Variants in PCDHGA5 observed in about 807,000 individuals in gnomAD.
The protein encoded by PCDHGA5 is protocadherin gamma subfamily A, 5, also known as protocadherin gamma-A5.
Under a neutral mutation model 56.7 loss-of-function variants are expected in PCDHGA5, and 36 were observed. The observed-to-expected ratio is 0.64, with a 90% CI of 0.49 to 0.84. The LOEUF is 0.84. Ranked by LOEUF, PCDHGA5 falls within the 40% of genes least tolerant of loss-of-function variation. The pLI is 0.00. For missense variants in PCDHGA5, 1,305 were observed against 1,201.5 expected (o/e 1.09, Z -1.27); for synonymous variants, 563 against 520.2 (o/e 1.08, Z -1.12).
At chr5:141,445,364 C>T (rs1374418361) in intron 1 of PCDHGA5, among the ~76,000 whole-genome samples, 1 of 152,158 alleles carries the variant, frequency 6.6e-6, no homozygotes, top group African/African-American at 2.4e-5. Flanking sequence ...CAAGTCTGGT[C>T]CTGGGTGGTT....
intron 1 of PCDHGA5, chr5:141,415,542 T>C (rs770960227): frequency 1.2e-5 from 19 of 1,614,056 alleles, no homozygotes; most frequent in Non-Finnish European, 9.3e-6. Context: ...AGGAGAGCTG[T>C]GAGAAAAACG....
In PCDHGA5 at chr5:141,491,908, G is replaced by T; in HGVS notation, c.2422-2899G>T. ...GGGGCTCCGAGCACCGGGGGTGGTG[G>T]CGACTGTGGGCGAGGGGAGGTGGGA... On this transcript the variant is annotated intron_variant, in intron 1 of 3. Transcript: ENST00000518069. The surrounding 1 kb of genome is among the most constrained non-coding windows in gnomAD (Gnocchi z 6.9). 7.1e-7 allele frequency: 1 copy of T among 1,408,288 alleles called. No homozygotes were observed. Among genetic ancestry groups the T allele is most frequent in the Non-Finnish European group, 9.4e-7 (1 of 1,060,836 alleles). The allele number at this position is 1,408,288 out of a possible 1,614,324, so 87.2% of individuals were successfully genotyped here. A position where few individuals can be genotyped will look rare whatever the true frequency, so the allele number is the denominator to read the frequency against.
In PCDHGA5 at chr5:141,490,770, C is replaced by T. The variant is rs774014462; in HGVS notation, c.2422-4037C>T. 1.2e-6 allele frequency: 2 copies of T among 1,614,120 alleles called. No individual in the cohort carries two copies. Among genetic ancestry groups the T allele is most frequent in the Non-Finnish European group, 8.5e-7 (1 of 1,179,968 alleles). ...CAGCCTCCTCCTTTGTGTATGTCAA[C>T]CCAGAGGATGGACGGATCTTTGCCC... On this transcript the variant is annotated intron_variant, in intron 1 of 3. Transcript: ENST00000518069. The surrounding 1 kb of genome is among the most constrained non-coding windows in gnomAD (Gnocchi z 5.4).
chr5:141,374,326 C>T (rs1343594345), intron 1 of PCDHGA5: 6 of 1,613,980 alleles, frequency 3.7e-6, no homozygotes, highest in East Asian at 4.5e-5. Context: ...ATCCGCGAAA[C>T]GGCAGCTTGG....
rs766083208 is a variant in PCDHGA5, at chr5:141,477,506, G to A, written c.2422-17301G>A. 1.9e-6 allele frequency: 3 copies of A among 1,614,028 alleles called. No homozygotes were observed. Among genetic ancestry groups the A allele is most frequent in the South Asian group, 2.2e-5 (2 of 91,076 alleles). ...ACAATCTTCTCAATCTTCCTACGAC[G>A]TTTACATTGAAGAAAACAACCTCCC... On this transcript the variant is annotated intron_variant, in intron 1 of 3. Transcript: ENST00000518069. This position sits in a 1 kb window ranked among gnomAD's most constrained non-coding sequence, Gnocchi z 4.9.
intron 1 of PCDHGA5, chr5:141,423,057 T>C (rs1443300486): frequency 6.2e-7 from 1 of 1,614,060 alleles, no homozygotes; most frequent in Non-Finnish European, 8.5e-7. Flanking sequence ...ATCGCCTGCT[T>C]AAGGCCAGCG....
At chr5:141,492,384 C>T (rs1001189412) in intron 1 of PCDHGA5, among the ~76,000 whole-genome samples, 1 of 152,230 alleles carries the variant, frequency 6.6e-6, no homozygotes, top group African/African-American at 2.4e-5. Context: ...AGGCCTGTTC[C>T]GGTCCACTCG....
chr5:141,454,998 G>A (rs909142112), intron 1 of PCDHGA5, among the ~76,000 whole-genome samples: 1 of 151,220 alleles, frequency 6.6e-6, no homozygotes, highest in Admixed American at 6.6e-5. Flanking sequence ...ATTTTTAGTA[G>A]AGACGGGGTT....
intron 1 of PCDHGA5, chr5:141,405,435 T>TAG: frequency 6.8e-7 from 1 of 1,463,324 alleles, no homozygotes; most frequent in Non-Finnish European, 9.3e-7. Flanking sequence ...TTGTTTTGTT[T>TAG]TTGAGACAGA....
rs757691247 is a variant in PCDHGA5 at position 141,399,920 on chromosome 5, C to T, written c.2421+33169C>T. On this transcript the variant is annotated intron_variant, in intron 1 of 3. Coordinates refer to ENST00000518069, the MANE Select transcript of PCDHGA5 (RefSeq NM_018918.3). ...GTGGACGCAGACTCAGGACACAACG[C>T]CTGGCTGTCCTACCACGTGCTGCAG... is the stretch of plus-strand genomic sequence containing the variant. 1.2e-5 allele frequency: 20 copies of T among 1,612,216 alleles called. No homozygotes were observed. The South Asian group carries it at 2.1e-4, about 17-fold the overall frequency.
chr5:141,369,443 G>T (rs1052997530), intron 1 of PCDHGA5, among the ~76,000 whole-genome samples: 1 of 152,056 alleles, frequency 6.6e-6, no homozygotes, highest in Non-Finnish European at 1.5e-5. Context: ...GAGGTGGGAG[G>T]ATTGCTTAAA....
chr5:141,424,616 T>C (rs1487572877), intron 1 of PCDHGA5: 1 of 152,152 alleles, frequency 6.6e-6, no homozygotes, highest in Non-Finnish European at 1.5e-5. Flanking sequence ...TCAAATAGAG[T>C]AGTTTGTGAA....
At chr5:141,427,694 A>G in intron 1 of PCDHGA5, 2 of 913,934 alleles carry the variant, frequency 2.2e-6, no homozygotes, top group South Asian at 1.4e-5. Flanking sequence ...CCTCCATCCC[A>G]CAAGTCAGCG....
In PCDHGA5 at chr5:141,409,837, C is replaced by G. The variant is rs182654621; in HGVS notation, c.2421+43086C>G. 823 of 1,611,470 alleles carry G rather than the reference C, an allele frequency of 5.1e-4. 5 individuals carry two copies. The East Asian group carries it at 9.5e-3, about 19-fold the overall frequency. On this transcript the variant is annotated intron_variant, in intron 1 of 3. Coordinates refer to ENST00000518069, the MANE Select transcript of PCDHGA5 (RefSeq NM_018918.3). ...ACGGCTCGCCCACGCTCAGCGCCAACGTGAGCCTGCGCGTGTTGGTGGGAG... is the reference window on the plus strand; with the variant it reads ...ACGGCTCGCCCACGCTCAGCGCCAAGGTGAGCCTGCGCGTGTTGGTGGGAG...
chr5:141,368,549 A>T (rs928426629), intron 1 of PCDHGA5, among the ~76,000 whole-genome samples: 5 of 152,138 alleles, frequency 3.3e-5, no homozygotes, highest in Non-Finnish European at 5.9e-5. Context: ...CATTTTTTTT[A>T]AAAGAAAATG....
Position 141,421,726 on chromosome 5 carries a change from T to G in PCDHGA5, c.2421+54975T>G. On this transcript the variant is annotated intron_variant, in intron 1 of 3. Transcript: ENST00000518069. The stretch of plus-strand genomic sequence containing the variant: ...TAGGGATCCAGATGTGGGCGTGAAC[T>G]CCCTCCAGAGCTACCAGCTCAGCCC... 1 of 1,613,928 alleles carries G rather than the reference T, an allele frequency of 6.2e-7. No homozygotes were observed. Among genetic ancestry groups the G allele is most frequent in the Non-Finnish European group, 8.5e-7 (1 of 1,179,852 alleles).
At chr5:141,372,743 T>G (rs989554651) in intron 1 of PCDHGA5, 2 of 1,613,618 alleles carry the variant, frequency 1.2e-6, no homozygotes, top group Admixed American at 1.7e-5. Context: ...TTCTATGTGA[T>G]GAAGCCTCTT....
intron 1 of PCDHGA5, chr5:141,419,317 T>G: frequency 1.2e-6 from 2 of 1,613,952 alleles, no homozygotes; most frequent in Non-Finnish European, 1.7e-6. Context: ...TCAACGGCCG[T>G]GTCTCCTACT....
intron 1 of PCDHGA5, among the ~76,000 whole-genome samples, chr5:141,450,259 C>A (rs1243327669): frequency 6.6e-6 from 1 of 152,118 alleles, no homozygotes; most frequent in East Asian, 1.9e-4. Context: ...CTCAAGTGAT[C>A]TGCCCACCTC....
Sources: allele counts gnomAD v4.1 joint callset (sites outside exome capture counted in the v4.1 genomes callset), GRCh38; gene constraint gnomAD v4.1.1; non-coding constraint Gnocchi (gnomAD v3.1); transcripts MANE v1.5; gene names NCBI Gene and HGNC (gene_info 2026-07-23, HGNC 2026-07-21).